The following EPHA6 variants were observed in gnomAD, a reference collection of about 807,000 sequenced individuals.
EPHA6 encodes the protein EPH receptor A6, also known as ephrin type-A receptor 6.
A neutral mutation model predicts 112.0 loss-of-function variants in EPHA6; 50 were observed. The ratio of observed to expected loss-of-function variants is 0.45; its 90% CI spans 0.36 to 0.56. The LOEUF (loss-of-function observed/expected upper bound fraction) is 0.56, where lower values mean the gene tolerates loss of function less well. EPHA6 is among the 20% of genes least tolerant of loss of function. EPHA6 has a pLI of 0.00. For synonymous variants in EPHA6, 529 were observed against 490.7 expected, an observed-to-expected ratio of 1.08 and a Z score of -1.03; for missense variants, 1,280 against 1,417.4, an observed-to-expected ratio of 0.90 and a Z score of 1.56.
chr3:97,144,292 T>A (rs1433314893), intron 3 of EPHA6, among the ~76,000 whole-genome samples: 1 of 151,710 alleles, frequency 6.6e-6, no homozygotes, highest in Non-Finnish European at 1.5e-5. Context: ...ATTGTTTATC[T>A]CTATATTTTC....
At chr3:97,017,554 T>C (rs934132106) in intron 3 of EPHA6, among the ~76,000 whole-genome samples, 4 of 152,166 alleles carry the variant, frequency 2.6e-5, no homozygotes, top group Non-Finnish European at 4.4e-5. Flanking sequence ...CTGAAACTTC[T>C]AGGTGAATCT....
chr3:97,670,492 A>G (rs921314398), intron 14 of EPHA6, among the ~76,000 whole-genome samples: 1 of 152,150 alleles, frequency 6.6e-6, no homozygotes, highest in Non-Finnish European at 1.5e-5. Flanking sequence ...CAGGTCTCCT[A>G]GGATATTATT....
At chr3:97,327,131 TAAAC>T (rs569816689) in intron 5 of EPHA6, among the ~76,000 whole-genome samples, 83 of 152,202 alleles carry the variant, frequency 5.5e-4, no homozygotes, top group Non-Finnish European at 9.6e-4. Flanking sequence ...TATTTTGAAT[TAAAC>T]AGGAATGTTT....
chr3:96,936,765 C>T (rs908348810), intron 2 of EPHA6, among the ~76,000 whole-genome samples: 45 of 152,176 alleles, frequency 3.0e-4, no homozygotes, highest in Admixed American at 2.5e-3. Context: ...ACCACTCCTC[C>T]GACCCCACAA....
At chr3:97,220,945 G>T (rs1037182943) in intron 3 of EPHA6, among the ~76,000 whole-genome samples, 1 of 152,142 alleles carries the variant, frequency 6.6e-6, no homozygotes, top group African/African-American at 2.4e-5. Context: ...TGAGATGAAT[G>T]CACTATTCCA....
chr3:97,132,631 G>C (rs925977163), intron 3 of EPHA6, among the ~76,000 whole-genome samples: 1 of 151,896 alleles, frequency 6.6e-6, no homozygotes, highest in African/African-American at 2.4e-5. Flanking sequence ...ACCTTTCAGG[G>C]CTTAACACAT....
Position 97,173,420 on chromosome 3 carries a change from G to C in EPHA6, c.1115-52844G>C, listed in dbSNP as rs1243578311. 2.0e-5 allele frequency among the ~76,000 whole-genome samples: 3 copies of C among 151,684 alleles called. No individual in the cohort carries two copies. The East Asian group carries it at 5.8e-4, about 29-fold the overall frequency. ...AGTATATATGTATTAAGTACATCAT[G>C]GTCAGTAAATAAAGAGACCACTGGA... On this transcript the variant is annotated intron_variant, in intron 3 of 17. Coordinates refer to ENST00000389672, the MANE Select transcript of EPHA6 (RefSeq NM_001080448.3).
At chr3:97,729,225 G>C (rs1200243675) in intron 15 of EPHA6, among the ~76,000 whole-genome samples, 1 of 151,862 alleles carries the variant, frequency 6.6e-6, no homozygotes, top group Non-Finnish European at 1.5e-5. Context: ...TTTGGCATTT[G>C]ATTGCTTTTA....
intron 3 of EPHA6, among the ~76,000 whole-genome samples, chr3:97,078,033 C>A (rs1287557963): frequency 1.3e-5 from 2 of 152,156 alleles, no homozygotes; most frequent in Non-Finnish European, 2.9e-5. Context: ...GTTCCTATTT[C>A]TCCACATCCT....
intron 1 of EPHA6, among the ~76,000 whole-genome samples, chr3:96,831,092 C>A (rs965438614): frequency 6.6e-6 from 1 of 151,898 alleles, no homozygotes; most frequent in East Asian, 1.9e-4. Context: ...TATATTCCTT[C>A]GATATTTTTA....
At chr3:97,454,337 G>A (rs2090615714) in intron 7 of EPHA6, among the ~76,000 whole-genome samples, 1 of 151,638 alleles carries the variant, frequency 6.6e-6, no homozygotes, top group African/African-American at 2.4e-5. Context: ...ACATAGTTAG[G>A]TTCCAATATA....
At chr3:97,379,261 C>G (rs1470450292) in intron 5 of EPHA6, among the ~76,000 whole-genome samples, 2 of 152,080 alleles carry the variant, frequency 1.3e-5, no homozygotes, top group African/African-American at 4.8e-5. Context: ...AACTGAAAGT[C>G]CAAGTAAGCC....
At chr3:97,088,750 A>G (rs535323079) in intron 3 of EPHA6, among the ~76,000 whole-genome samples, 3 of 152,072 alleles carry the variant, frequency 2.0e-5, no homozygotes, top group Non-Finnish European at 2.9e-5. Flanking sequence ...TTTGATCGTC[A>G]GCCTCTATGA....
At chr3:97,728,364 G>A (rs1425786754) in intron 15 of EPHA6, among the ~76,000 whole-genome samples, 3 of 152,016 alleles carry the variant, frequency 2.0e-5, no homozygotes, top group Admixed American at 2.0e-4. Flanking sequence ...TTTGGAATGT[G>A]TCCTTGTATT....
intron 14 of EPHA6, among the ~76,000 whole-genome samples, chr3:97,690,607 A>G (rs2032596261): frequency 6.6e-6 from 1 of 151,956 alleles, no homozygotes. Context: ...AGCTGGGATT[A>G]CAGGCTCACA....
chr3:97,423,863 C>G (rs993521873), intron 6 of EPHA6, among the ~76,000 whole-genome samples: 3 of 152,176 alleles, frequency 2.0e-5, no homozygotes, highest in Non-Finnish European at 2.9e-5. Flanking sequence ...CTATGGCCAT[C>G]TGATCTTCTA....
intron 10 of EPHA6, 70 bp from the exon 11 acceptor site, chr3:97,532,288 T>C (rs751216814): frequency 1.4e-4 from 192 of 1,361,130 alleles, no homozygotes; most frequent in Non-Finnish European, 1.8e-4. Flanking sequence ...TGTCACTGTA[T>C]GACAGTTTGA....
chr3:96,951,034 G>C (rs372778306), intron 2 of EPHA6, among the ~76,000 whole-genome samples: 1 of 151,524 alleles, frequency 6.6e-6, no homozygotes, highest in Non-Finnish European at 1.5e-5. Flanking sequence ...CTGATATTCA[G>C]CGTTGGCAGT....
intron 5 of EPHA6, among the ~76,000 whole-genome samples, chr3:97,359,335 CCCTT>C (rs200111095): frequency 0.024 from 3,576 of 151,984 alleles, 133 homozygotes; most frequent in African/African-American, 0.079. Context: ...GCCTTTGAAT[CCCTT>C]TAGTTAAGTT....
Sources: allele counts gnomAD v4.1 joint callset (sites outside exome capture counted in the v4.1 genomes callset), GRCh38; gene constraint gnomAD v4.1.1; transcripts MANE v1.5; gene names NCBI Gene and HGNC (gene_info 2026-07-23, HGNC 2026-07-21).